EPB41L3: variants seen among roughly 807,000 people sequenced by gnomAD.
The protein encoded by EPB41L3 is erythrocyte membrane protein band 4.1 like 3, also known as band 4.1-like protein 3.
EPB41L3 carries 57 observed loss-of-function variants against 127.1 expected under a neutral mutation model. The observed-to-expected ratio is 0.45, with a 90% CI of 0.36 to 0.56. The LOEUF (loss-of-function observed/expected upper bound fraction) is 0.56. Among genes scored for constraint, EPB41L3 ranks in the 20% least tolerant of loss-of-function variants. The probability of loss-of-function intolerance (pLI) is 0.00; values close to 1 mark genes in which losing one functional copy is unlikely to be tolerated. For synonymous variants in EPB41L3, 572 were observed against 549.5 expected (o/e 1.04, Z -0.57); for missense variants, 1,273 against 1,372.2 (o/e 0.93, Z 1.14).
At chr18:5,411,829 C>A (rs2076234717) in intron 13 of EPB41L3, among the ~76,000 whole-genome samples, 2 of 152,096 alleles carry the variant, frequency 1.3e-5, no homozygotes, top group Admixed American at 6.5e-5. Flanking sequence ...TTGGCACTAG[C>A]CACATGTTTC....
At chr18:5,527,461 CG>C (rs1568502434) in intron 1 of EPB41L3, among the ~76,000 whole-genome samples, 41 of 152,240 alleles carry the variant, frequency 2.7e-4, no homozygotes, top group African/African-American at 8.9e-4. Context: ...ATATTTTAAA[CG>C]ACTCTTTCAT....
At chr18:5,536,896 C>A (rs1329620300) in intron 1 of EPB41L3, among the ~76,000 whole-genome samples, 1 of 152,086 alleles carries the variant, frequency 6.6e-6, no homozygotes, top group African/African-American at 2.4e-5. Flanking sequence ...AGACAGAAGT[C>A]TATTCATGTA....
chr18:5,434,893 C>T (rs535712651), intron 6 of EPB41L3, among the ~76,000 whole-genome samples: 9 of 152,240 alleles, frequency 5.9e-5, no homozygotes, highest in Non-Finnish European at 1.3e-4. Context: ...CAGAAGAAGA[C>T]ACTGTTATCC....
intron 16 of EPB41L3, chr18:5,398,344 G>C: frequency 1.6e-6 from 1 of 634,422 alleles, no homozygotes; most frequent in South Asian, 2.1e-5. Context: ...AGCAGAGACG[G>C]TTATTAGGAT....
chr18:5,397,285 A>T lies in EPB41L3; in HGVS notation c.2614T>A (p.Tyr872Asn), dbSNP rs1292723398. 6.2e-7 allele frequency: 1 copy of T among 1,613,978 alleles called. No individual in the cohort carries two copies. The highest frequency in any genetic ancestry group is 1.3e-5 in the African/African-American group (1 of 74,978). The change falls in exon 18 of 23, where the codon TAC becomes AAC. Residue 872 changes from tyrosine (Y) to asparagine (N), a missense_variant. By Grantham distance (143) the Tyr-to-Asn change is moderately radical. This residue lies in a region of EPB41L3 where 765 missense variants were observed against 782.9 expected (regional missense o/e 0.98). Coordinates refer to ENST00000341928, the MANE Select transcript of EPB41L3 (RefSeq NM_012307.5). The surrounding 1 kb of genome is among the most constrained non-coding windows in gnomAD (Gnocchi z 4.1). Reference protein sequence around the residue: ...RVVHASGDASYSAGDSGDAAA... With the variant: ...RVVHASGDASNSAGDSGDAAA... ...GCATCCCCGCTGTCTCCCGCCGAGT[A>T]AGAAGCATCCCCACTCGCGTGCACC...
intron 5 of EPB41L3, among the ~76,000 whole-genome samples, chr18:5,440,555 T>C (rs866988989): frequency 3.3e-5 from 5 of 152,162 alleles, no homozygotes; most frequent in Admixed American, 6.5e-5. Context: ...TGAAACAGCT[T>C]GAACACATTA....
chr18:5,488,327 C>A (rs1310985176), intron 2 of EPB41L3, among the ~76,000 whole-genome samples: 2 of 151,906 alleles, frequency 1.3e-5, no homozygotes, highest in African/African-American at 4.8e-5. Context: ...GAAAACCAAA[C>A]ACCGCATGTT....
In EPB41L3 at chr18:5,511,391, G is replaced by GTTTTTTTTTTTT. The variant is rs1190047630; in HGVS notation, c.-11-22209_-11-22198dup. ...CTTTAATAGCTGTGGAGGTATTTTG[G>GTTTTTTTTTTTT]TTTTTTTTTTTTTTTTTTTTTTTTT... On this transcript the variant is annotated intron_variant, in intron 1 of 22. Transcript: ENST00000341928. Among the ~76,000 whole-genome samples the GTTTTTTTTTTTT allele has an allele frequency of 3.0e-4, 18 of 59,800 alleles. 3 individuals are homozygous for GTTTTTTTTTTTT. Among genetic ancestry groups the GTTTTTTTTTTTT allele is most frequent in the African/African-American group, 4.8e-4 (7 of 14,696 alleles). 39.2% of individuals were successfully genotyped at this position (59,800 alleles called of 152,430 possible). A position where few individuals can be genotyped will look rare whatever the true frequency, so the allele number is the denominator to read the frequency against.
At chr18:5,537,229 A>ATTTTTGGTTTTTCTGTATTGTTATT (rs1330942259) in intron 1 of EPB41L3, among the ~76,000 whole-genome samples, 2 of 152,192 alleles carry the variant, frequency 1.3e-5, no homozygotes, top group African/African-American at 4.8e-5. Context: ...CTGTATTGTT[A>ATTTTTGGTTTTTCTGTATTGTTATT]GACTATATTT....
intron 2 of EPB41L3, among the ~76,000 whole-genome samples, chr18:5,613,394 C>T (rs1346318300): frequency 6.6e-6 from 1 of 152,218 alleles, no homozygotes; most frequent in East Asian, 1.9e-4. Context: ...TGCTCAGTTC[C>T]TTCTCAGGAG....
chr18:5,556,154 C>T (rs1169320468), intron 3 of EPB41L3, among the ~76,000 whole-genome samples: 1 of 152,202 alleles, frequency 6.6e-6, no homozygotes, highest in Non-Finnish European at 1.5e-5. Flanking sequence ...GATGGACTGT[C>T]ATTATTGGAA....
At chr18:5,611,055 G>A (rs2094719666) in intron 3 of EPB41L3, among the ~76,000 whole-genome samples, 1 of 152,148 alleles carries the variant, frequency 6.6e-6, no homozygotes, top group African/African-American at 2.4e-5. Flanking sequence ...AGGTCATGCT[G>A]GAGGAATTCT....
chr18:5,544,952 A>AT (rs533954383), upstream of EPB41L3, among the ~76,000 whole-genome samples: 14 of 152,094 alleles, frequency 9.2e-5, no homozygotes, highest in African/African-American at 3.4e-4. Context: ...AAAATATTAA[A>AT]TTTTTTTAAT....
chr18:5,478,249 C>T lies in EPB41L3; in HGVS notation c.373G>A (p.Asp125Asn), dbSNP rs2087653082. ...TTAAGACACACACTTACCTCTACAT[C>T]ACAGGTATATTCTGATCCATCGAGA... ...ILLDGSEYTCDVEKRSRGQVL... is the reference protein window; with the variant it reads ...ILLDGSEYTCNVEKRSRGQVL... The change falls in exon 3 of 23, where the codon GAT (aspartate) becomes AAT (asparagine). Residue 125 changes from aspartate to asparagine, a missense_variant. Transcript: ENST00000341928. The T allele has an allele frequency of 6.2e-7, 1 of 1,613,848 alleles. No individual in the cohort carries two copies. The highest frequency in any genetic ancestry group is 8.5e-7 in the Non-Finnish European group (1 of 1,179,752).
intron 2 of EPB41L3, chr18:5,479,699 C>T (rs1180368411): frequency 6.6e-6 from 1 of 151,242 alleles, no homozygotes; most frequent in Non-Finnish European, 1.5e-5. Context: ...GAAAAGAAAG[C>T]AACAAAAAAC....
chr18:5,526,110 C>T (rs2093211296), intron 1 of EPB41L3, among the ~76,000 whole-genome samples: 1 of 152,108 alleles, frequency 6.6e-6, no homozygotes, highest in African/African-American at 2.4e-5. Context: ...AAAAGAGCTT[C>T]AAAACATCCA....
intron 16 of EPB41L3, among the ~76,000 whole-genome samples, chr18:5,402,990 T>A (rs1038565463): frequency 2.6e-5 from 4 of 152,308 alleles, no homozygotes; most frequent in Admixed American, 2.6e-4. Context: ...ATCACTCATA[T>A]GAAAGAGAGG....
chr18:5,599,195 G>C (rs1568627898), intron 3 of EPB41L3, among the ~76,000 whole-genome samples: 1 of 152,122 alleles, frequency 6.6e-6, no homozygotes, highest in Non-Finnish European at 1.5e-5. Context: ...TTCACATAAT[G>C]TTAGGAGAAT....
chr18:5,447,830 T>C (rs2081730794), intron 3 of EPB41L3, among the ~76,000 whole-genome samples: 1 of 152,224 alleles, frequency 6.6e-6, no homozygotes, highest in South Asian at 2.1e-4. Context: ...ATGAGTCCCA[T>C]CCTTCTCTTA....
Sources: allele counts gnomAD v4.1 joint callset (sites outside exome capture counted in the v4.1 genomes callset), GRCh38; gene constraint gnomAD v4.1.1; regional missense constraint gnomAD v4.1.1; non-coding constraint Gnocchi (gnomAD v3.1); transcripts MANE v1.5; gene names NCBI Gene and HGNC (gene_info 2026-07-23, HGNC 2026-07-21).